The following NKAIN2 variants were observed in gnomAD, a reference collection of about 807,000 sequenced individuals.
The protein encoded by NKAIN2 is sodium/potassium-transporting ATPase subunit beta-1-interacting protein 2.
A neutral mutation model predicts 32.6 loss-of-function variants in NKAIN2; 14 were observed. The ratio of observed to expected loss-of-function variants is 0.43; its 90% CI spans 0.28 to 0.67. The LOEUF is 0.67. NKAIN2 is among the 30% of genes least tolerant of loss of function. The pLI is 0.17. For synonymous variants in NKAIN2, 80 were observed against 87.2 expected, an observed-to-expected ratio of 0.92 and a Z score of 0.46; for missense variants, 198 against 258.3, an observed-to-expected ratio of 0.77 and a Z score of 1.60.
At chr6:124,562,612 T>C (rs982114237) in intron 3 of NKAIN2, among the ~76,000 whole-genome samples, 2 of 152,198 alleles carry the variant, frequency 1.3e-5, no homozygotes, top group East Asian at 1.9e-4. Context: ...AAAATTTTTA[T>C]TTATCAATTC....
intron 3 of NKAIN2, among the ~76,000 whole-genome samples, chr6:124,578,112 T>C (rs988805693): frequency 6.6e-6 from 1 of 151,168 alleles, no homozygotes; most frequent in African/African-American, 2.4e-5. Flanking sequence ...ACAAGCTGGC[T>C]TCAAGCATGA....
intron 1 of NKAIN2, among the ~76,000 whole-genome samples, chr6:123,955,590 T>A (rs376597550): frequency 7.3e-6 from 1 of 136,664 alleles, no homozygotes; most frequent in South Asian, 2.4e-4. Context: ...ATTTAAACAT[T>A]TTTTATTTTA....
chr6:124,139,435 T>C (rs1288368569), intron 1 of NKAIN2, among the ~76,000 whole-genome samples: 1 of 152,214 alleles, frequency 6.6e-6, no homozygotes, highest in African/African-American at 2.4e-5. Context: ...TTGGATCCTC[T>C]GCCAAACTGT....
At chr6:124,234,360 T>C (rs1302737556) in intron 1 of NKAIN2, among the ~76,000 whole-genome samples, 1 of 152,162 alleles carries the variant, frequency 6.6e-6, no homozygotes, top group Non-Finnish European at 1.5e-5. Flanking sequence ...ACTATGCTAG[T>C]TGTACCTTAA....
At chr6:123,905,264 A>G (rs1162555765) in intron 1 of NKAIN2, among the ~76,000 whole-genome samples, 2 of 151,912 alleles carry the variant, frequency 1.3e-5, no homozygotes, top group Non-Finnish European at 2.9e-5. Context: ...TGTCCCTCCA[A>G]GTGCTTTGGG....
At chr6:124,477,951 G>T (rs1777297959) in intron 3 of NKAIN2, among the ~76,000 whole-genome samples, 1 of 151,308 alleles carries the variant, frequency 6.6e-6, no homozygotes, top group Admixed American at 6.6e-5. Flanking sequence ...CCTTTACAAA[G>T]AACTTCAGTG....
intron 4 of NKAIN2, among the ~76,000 whole-genome samples, chr6:124,696,717 T>C (rs555854349): frequency 2.6e-5 from 4 of 152,206 alleles, no homozygotes; most frequent in Admixed American, 1.3e-4. Flanking sequence ...CCAATTGATA[T>C]GTTGTTTTCT....
intron 3 of NKAIN2, among the ~76,000 whole-genome samples, chr6:124,431,921 C>T (rs1775234025): frequency 6.6e-6 from 1 of 152,086 alleles, no homozygotes; most frequent in Admixed American, 6.6e-5. Context: ...TCACATATTT[C>T]AGATACTGAA....
chr6:123,881,779 TG>T (rs1773466627), intron 1 of NKAIN2, among the ~76,000 whole-genome samples: 1 of 152,226 alleles, frequency 6.6e-6, no homozygotes, highest in South Asian at 2.1e-4. Context: ...TGTTTCATTC[TG>T]TAAAGCACTA....
chr6:124,272,030 AATTGGAACTTAC>A (rs1794817673), intron 1 of NKAIN2, among the ~76,000 whole-genome samples: 1 of 152,194 alleles, frequency 6.6e-6, no homozygotes, highest in African/African-American at 2.4e-5. Flanking sequence ...GATGGTTTGG[AATTGGAACTTAC>A]ATTTAAAAGG....
intron 3 of NKAIN2, among the ~76,000 whole-genome samples, chr6:124,492,909 A>G (rs1171954129): frequency 2.0e-5 from 3 of 151,924 alleles, no homozygotes; most frequent in Admixed American, 2.0e-4. Flanking sequence ...ACAGCACACC[A>G]TGGTAGTCAA....
chr6:124,796,983 G>T (rs1400898839), intron 5 of NKAIN2, among the ~76,000 whole-genome samples: 2 of 151,716 alleles, frequency 1.3e-5, no homozygotes, highest in South Asian at 2.1e-4. Flanking sequence ...TTCCTGGTCG[G>T]GTGTGCCTTT....
chr6:124,197,524 T>C (rs761998001), intron 1 of NKAIN2, among the ~76,000 whole-genome samples: 5 of 152,200 alleles, frequency 3.3e-5, no homozygotes, highest in Non-Finnish European at 5.9e-5. Flanking sequence ...GGGACACTAA[T>C]AGAAGCTTTC....
chr6:123,959,741 T>A (rs1406092715), intron 1 of NKAIN2, among the ~76,000 whole-genome samples: 1 of 151,778 alleles, frequency 6.6e-6, no homozygotes, highest in Non-Finnish European at 1.5e-5. Context: ...GAAGTTAGAA[T>A]TTTTTTTCCC....
At position 124,373,891 on chromosome 6, in the gene NKAIN2, A is replaced by G. The variant is rs61001551; in HGVS notation, c.273+18544A>G. On this transcript the variant is annotated intron_variant, in intron 3 of 6. Coordinates refer to ENST00000368417, the MANE Select transcript of NKAIN2 (RefSeq NM_001040214.3). Reference sequence around the variant, plus strand: ...GACAGAGAGTAAAGGCGGCTTTTTCATGAGGTCTTGTAGTAAGATGCTGAG... The same window carrying G: ...GACAGAGAGTAAAGGCGGCTTTTTCGTGAGGTCTTGTAGTAAGATGCTGAG... 5.6e-3 allele frequency among the ~76,000 whole-genome samples: 857 copies of G among 152,284 alleles called. 7 individuals are homozygous for G. The highest frequency in any genetic ancestry group is 0.02 in the African/African-American group (837 of 41,578).
intron 1 of NKAIN2, among the ~76,000 whole-genome samples, chr6:124,119,788 C>T (rs1226203886): frequency 6.6e-6 from 1 of 152,204 alleles, no homozygotes; most frequent in African/African-American, 2.4e-5. Flanking sequence ...ACAGCTGCTA[C>T]CAGACACCTG....
At chr6:124,086,261 A>G (rs1043588104) in intron 1 of NKAIN2, among the ~76,000 whole-genome samples, 3 of 152,022 alleles carry the variant, frequency 2.0e-5, no homozygotes, top group African/African-American at 7.2e-5. Context: ...TGTGTTTGAA[A>G]TATGACTGGT....
At chr6:124,673,639 T>G (rs1773212357) in intron 4 of NKAIN2, among the ~76,000 whole-genome samples, 1 of 152,092 alleles carries the variant, frequency 6.6e-6, no homozygotes, top group Non-Finnish European at 1.5e-5. Context: ...GGATGATTAG[T>G]GATGTTGAAC....
At chr6:124,715,271 C>T (rs1167887580) in intron 4 of NKAIN2, among the ~76,000 whole-genome samples, 1 of 152,186 alleles carries the variant, frequency 6.6e-6, no homozygotes, top group East Asian at 1.9e-4. Flanking sequence ...CTTGAGAGAT[C>T]TTGTGGCTTG....
Sources: allele counts gnomAD v4.1 joint callset (sites outside exome capture counted in the v4.1 genomes callset), GRCh38; gene constraint gnomAD v4.1.1; transcripts MANE v1.5; gene names NCBI Gene and HGNC (gene_info 2026-07-23, HGNC 2026-07-21).